Variants in SLC36A1 observed in about 807,000 individuals in gnomAD.
SLC36A1 encodes the protein proton-coupled amino acid transporter 1.
In SLC36A1, 30 loss-of-function variants were observed where a neutral mutation model predicts 47.5. That is an observed-to-expected ratio of 0.63 (90% CI 0.47 to 0.86). The LOEUF (loss-of-function observed/expected upper bound fraction) is 0.86, where lower values mean the gene tolerates loss of function less well. Ranked by LOEUF, SLC36A1 falls within the 40% of genes least tolerant of loss-of-function variation. The probability of loss-of-function intolerance (pLI) is 0.00; values close to 1 mark genes in which losing one functional copy is unlikely to be tolerated. For missense variants in SLC36A1, 517 were observed against 606.0 expected, an observed-to-expected ratio of 0.85 and a Z score of 1.54; for synonymous variants, 255 against 249.7, an observed-to-expected ratio of 1.02 and a Z score of -0.20.
chr5:151,466,499 T>C (rs1756402888), intron 5 of SLC36A1, among the ~76,000 whole-genome samples: 1 of 151,562 alleles, frequency 6.6e-6, no homozygotes, highest in Non-Finnish European at 1.5e-5. Flanking sequence ...CTGTGTAATG[T>C]TCCATTTAAG....
chr5:151,542,275 G>T, the SLC36A1 span: 14 of 1,576,218 alleles, frequency 8.9e-6, 1 homozygote, highest in African/African-American at 1.2e-4. Flanking sequence ...TCCATGACAG[G>T]TGTTCTTACC....
chr5:151,405,846 T>G, the SLC36A1 span, among the ~76,000 whole-genome samples: 13 of 152,316 alleles, frequency 8.5e-5, no homozygotes, highest in African/African-American at 3.1e-4. Flanking sequence ...TCTGTTTGGC[T>G]TCCTTAGTTT....
At chr5:151,542,712 G>A in the SLC36A1 span, 2 of 1,614,242 alleles carry the variant, frequency 1.2e-6, no homozygotes, top group South Asian at 1.1e-5. Context: ...TCTCAGTGAG[G>A]ACAGCCTTAT....
At chr5:151,354,220 C>T in the SLC36A1 span, among the ~76,000 whole-genome samples, 10 of 152,300 alleles carry the variant, frequency 6.6e-5, no homozygotes, top group Admixed American at 2.6e-4. Context: ...AGGAGAATCA[C>T]GTGAACCTGG....
intron 8 of SLC36A1, among the ~76,000 whole-genome samples, chr5:151,474,751 T>G (rs747121637): frequency 6.6e-6 from 1 of 152,222 alleles, no homozygotes; most frequent in Non-Finnish European, 1.5e-5. Flanking sequence ...CCCCTCACTT[T>G]TACCTAATTT....
the SLC36A1 span, among the ~76,000 whole-genome samples, chr5:151,524,526 C>T: frequency 6.6e-6 from 1 of 152,222 alleles, no homozygotes; most frequent in Non-Finnish European, 1.5e-5. Flanking sequence ...TCTGGGACTT[C>T]CAGCCTCCAG....
chr5:151,544,677 C>T, the SLC36A1 span: 16 of 1,613,696 alleles, frequency 9.9e-6, no homozygotes, highest in South Asian at 2.2e-5. Context: ...GGAGGGATGG[C>T]GTTCCTCCAT....
At chr5:151,450,757 G>A (rs989597065) in intron 1 of SLC36A1, among the ~76,000 whole-genome samples, 5 of 152,058 alleles carry the variant, frequency 3.3e-5, no homozygotes, top group Admixed American at 2.0e-4. Flanking sequence ...GCTTGATATC[G>A]CTTCAAAGGT....
upstream of SLC36A1, among the ~76,000 whole-genome samples, chr5:151,433,249 T>TAC (rs1397408187): frequency 6.3e-5 from 1 of 15,890 alleles, no homozygotes; most frequent in African/African-American, 2.6e-4. Flanking sequence ...TATATATATA[T>TAC]ATATATATAT....
the SLC36A1 span, among the ~76,000 whole-genome samples, chr5:151,528,779 G>A: frequency 6.6e-6 from 1 of 152,140 alleles, no homozygotes; most frequent in African/African-American, 2.4e-5. Flanking sequence ...TAAATGCAAA[G>A]AGGTATTATT....
chr5:151,493,227 C>G (rs990173233), downstream of SLC36A1, among the ~76,000 whole-genome samples: 2 of 152,104 alleles, frequency 1.3e-5, no homozygotes, highest in Non-Finnish European at 1.5e-5. Flanking sequence ...TACATTTCCC[C>G]GCCCCCCAAA....
chr5:151,530,581 A>G, the SLC36A1 span, among the ~76,000 whole-genome samples: 2 of 152,252 alleles, frequency 1.3e-5, no homozygotes, highest in South Asian at 2.1e-4. Flanking sequence ...CAAATTCAGT[A>G]TGTAGATGTT....
At chr5:151,380,826 C>T in the SLC36A1 span, 2 of 488,300 alleles carry the variant, frequency 4.1e-6, no homozygotes, top group Non-Finnish European at 4.1e-6. Context: ...GAACTGGCAG[C>T]AGCAGACCCA....
chr5:151,524,780 T>C, the SLC36A1 span, among the ~76,000 whole-genome samples: 17,086 of 152,156 alleles, frequency 0.11, 1,769 homozygotes, highest in African/African-American at 0.28. Flanking sequence ...CTTCAGGCTC[T>C]TTCCCAACTC....
At chr5:151,424,367 G>C in the SLC36A1 span, among the ~76,000 whole-genome samples, 1 of 152,100 alleles carries the variant, frequency 6.6e-6, no homozygotes, top group Admixed American at 6.5e-5. Context: ...CAGGTTTTAG[G>C]GACAAAACTG....
chr5:151,508,542 T>A, the SLC36A1 span, among the ~76,000 whole-genome samples: 2 of 152,066 alleles, frequency 1.3e-5, no homozygotes, highest in African/African-American at 4.8e-5. Flanking sequence ...AAACCCCGTA[T>A]CTACTAAAAA....
intron 9 of SLC36A1, 99 bp downstream of exon 9, chr5:151,476,855 C>A: frequency 7.0e-7 from 1 of 1,423,728 alleles, no homozygotes; most frequent in Non-Finnish European, 9.7e-7. Context: ...CTTAAACCAG[C>A]CCACTTCACT....
the SLC36A1 span, among the ~76,000 whole-genome samples, chr5:151,374,401 T>TA: frequency 3.7e-4 from 56 of 152,324 alleles, no homozygotes; most frequent in East Asian, 0.011. Context: ...TTCGAACCGA[T>TA]ACAAGAACCT....
chr5:151,490,674 T>TCTGGCTTGTGCTCC lies in SLC36A1; in HGVS notation c.*2421_*2434dup, dbSNP rs1275017878. The TCTGGCTTGTGCTCC allele has an allele frequency of 6.6e-6, 1 of 152,256 alleles. No homozygotes were observed. The highest frequency in any genetic ancestry group is 2.4e-5 in the African/African-American group (1 of 41,450). The allele number at this position is 152,256 out of a possible 1,614,324, so 9.4% of individuals were successfully genotyped here. Reference sequence around the variant, plus strand: ...CCAATTTGGCATGGCCTATTTGATCTCTGGCTTGTGCTCCTGCTACACTGA... The same window carrying TCTGGCTTGTGCTCC: ...CCAATTTGGCATGGCCTATTTGATCTCTGGCTTGTGCTCCCTGGCTTGTGCTCCTGCTACACTGA... On this transcript the variant is annotated 3_prime_UTR_variant, in exon 11 of 11. Transcript: ENST00000243389.
Sources: gnomAD v4.1 joint callset for allele counts (sites outside exome capture counted in the v4.1 genomes callset) on GRCh38, gnomAD v4.1.1 for gene constraint, MANE v1.5 for transcripts, NCBI Gene and HGNC (gene_info 2026-07-23, HGNC 2026-07-21) for gene names.